The following CTNNBL1 variants were observed in gnomAD, a reference collection of about 807,000 sequenced individuals.
The protein encoded by CTNNBL1 is catenin beta like 1.
CTNNBL1 carries 31 observed loss-of-function variants against 72.7 expected under a neutral mutation model. That is an observed-to-expected ratio of 0.43 (90% CI 0.32 to 0.58). The LOEUF (loss-of-function observed/expected upper bound fraction) is 0.58, where lower values mean the gene tolerates loss of function less well. Among genes scored for constraint, CTNNBL1 ranks in the 20% least tolerant of loss-of-function variants. The probability of loss-of-function intolerance (pLI) is 0.08; values close to 1 mark genes in which losing one functional copy is unlikely to be tolerated. For synonymous variants in CTNNBL1, 240 were observed against 267.3 expected (o/e 0.90, Z 1.00); for missense variants, 534 against 725.1 (o/e 0.74, Z 3.03).
At chr20:37,719,667 G>T (rs1227921319) in intron 1 of CTNNBL1, among the ~76,000 whole-genome samples, 7 of 152,058 alleles carry the variant, frequency 4.6e-5, no homozygotes, top group Non-Finnish European at 8.8e-5. Context: ...GCTATCAAGT[G>T]GGATTTATCT....
chr20:37,732,083 C>T (rs555768378), intron 1 of CTNNBL1, among the ~76,000 whole-genome samples: 2 of 152,308 alleles, frequency 1.3e-5, no homozygotes, highest in African/African-American at 4.8e-5. Flanking sequence ...TATCTTCTGT[C>T]TTTTTCATGA....
chr20:37,723,510 CT>C lies in CTNNBL1; in HGVS notation c.31-9361del, dbSNP rs570960595. On this transcript the variant is annotated intron_variant, in intron 1 of 15. Transcript: ENST00000361383. The stretch of plus-strand genomic sequence containing the variant: ...TGGGATTTTGAGGAGCGCTTGATAT[CT>C]TTTTTTTCCTCCAGAAAAAAAGGTA... Among the ~76,000 whole-genome samples the C allele has an allele frequency of 1.3e-3, 199 of 152,016 alleles. 1 individual carries two copies. The highest frequency in any genetic ancestry group is 4.4e-3 in the African/African-American group (182 of 41,484).
chr20:37,834,478 T>G (rs1312338737), intron 11 of CTNNBL1, among the ~76,000 whole-genome samples: 1 of 152,230 alleles, frequency 6.6e-6, no homozygotes, highest in Non-Finnish European at 1.5e-5. Flanking sequence ...GGCCTTTTAC[T>G]TCATTTTACT....
intron 2 of CTNNBL1, among the ~76,000 whole-genome samples, chr20:37,736,906 T>G (rs930052187): frequency 2.0e-5 from 3 of 152,100 alleles, no homozygotes; most frequent in Non-Finnish European, 4.4e-5. Flanking sequence ...AGGCCCTTAC[T>G]CCTCATTGTA....
At chr20:37,720,591 C>G (rs984126444) in intron 1 of CTNNBL1, among the ~76,000 whole-genome samples, 1 of 152,182 alleles carries the variant, frequency 6.6e-6, no homozygotes, top group Non-Finnish European at 1.5e-5. Flanking sequence ...AAGGCCCAGA[C>G]ATTGACTACG....
At chr20:37,813,583 C>T (rs73904779) in intron 11 of CTNNBL1, among the ~76,000 whole-genome samples, 1,526 of 152,254 alleles carry the variant, frequency 0.01, 22 homozygotes, top group African/African-American at 0.035. Flanking sequence ...TTCATTTTGC[C>T]AGGTAGAAAC....
At chr20:37,762,596 C>A (rs1348393732) in intron 5 of CTNNBL1, among the ~76,000 whole-genome samples, 1 of 152,130 alleles carries the variant, frequency 6.6e-6, no homozygotes, top group Non-Finnish European at 1.5e-5. Flanking sequence ...TGCTTTAATC[C>A]CTAAGCAGGA....
chr20:37,816,087 C>T lies in CTNNBL1; in HGVS notation c.1213+13039C>T, dbSNP rs55722198. On this transcript the variant is annotated intron_variant, in intron 11 of 15. Transcript: ENST00000361383. ...CCAGATTGATTTTGCTTGTGGGTGT[C>T]CAGATGCTGATGAGCTGTAATTAGC... 4.5e-3 allele frequency among the ~76,000 whole-genome samples: 684 copies of T among 152,126 alleles called. 3 individuals are homozygous for T. Among genetic ancestry groups the T allele is most frequent in the Non-Finnish European group, 6.4e-3 (433 of 68,008 alleles).
chr20:37,843,228 C>T (rs534425412), intron 13 of CTNNBL1, among the ~76,000 whole-genome samples: 2 of 152,206 alleles, frequency 1.3e-5, no homozygotes, highest in African/African-American at 4.8e-5. Context: ...TACTTTTTTC[C>T]AAGTCTACAG....
intron 7 of CTNNBL1, among the ~76,000 whole-genome samples, chr20:37,772,498 G>A (rs551826837): frequency 4.9e-4 from 75 of 152,224 alleles, no homozygotes; most frequent in Non-Finnish European, 7.4e-4. Flanking sequence ...ACAGGCGCCC[G>A]CCACCACATC....
intron 10 of CTNNBL1, among the ~76,000 whole-genome samples, chr20:37,801,793 G>A (rs2073825522): frequency 6.6e-6 from 1 of 152,120 alleles, no homozygotes; most frequent in African/African-American, 2.4e-5. Flanking sequence ...CCTAAGACAA[G>A]GACTAGGATT....
At chr20:37,763,494 A>G (rs1828339799) in intron 5 of CTNNBL1, among the ~76,000 whole-genome samples, 1 of 152,314 alleles carries the variant, frequency 6.6e-6, no homozygotes, top group Admixed American at 6.5e-5. Context: ...AGGTATCACA[A>G]ATTAGTCAAT....
intron 13 of CTNNBL1, among the ~76,000 whole-genome samples, chr20:37,859,137 G>A (rs1200703341): frequency 6.6e-6 from 1 of 152,082 alleles, no homozygotes; most frequent in African/African-American, 2.4e-5. Context: ...CACTTTGGGA[G>A]GCCAAGGTCA....
chr20:37,865,995 T>A (rs1163734846), intron 15 of CTNNBL1, among the ~76,000 whole-genome samples: 1 of 152,208 alleles, frequency 6.6e-6, no homozygotes, highest in Non-Finnish European at 1.5e-5. Context: ...GTAACCCAAT[T>A]TGTGTGATTT....
In CTNNBL1 at chr20:37,765,246, A is replaced by T. The variant is rs1225739798; in HGVS notation, c.614A>T (p.Asp205Val). Residue 205 changes from aspartate to valine, a missense_variant, in exon 6 of 16, where the codon GAT (aspartate) becomes GTT (valine). Asp to Val is a radical substitution (Grantham distance 152). Transcript: ENST00000361383. The part of the protein sequence containing the change: ...ALLVQNLERL[D>V]ESVKEEADGV... ...CTGGTACAGAATCTGGAGCGCCTGG[A>T]TGAGTCTGTGAAAGAGGAGGCAGAT... 1.3e-6 allele frequency: 2 copies of T among 1,551,430 alleles called. No individual in the cohort carries two copies. The highest frequency in any genetic ancestry group is 2.0e-5 in the Admixed American group (1 of 50,986).
intron 1 of CTNNBL1, among the ~76,000 whole-genome samples, chr20:37,718,279 CG>C (rs1332458190): frequency 2.4e-5 from 3 of 127,286 alleles, no homozygotes; most frequent in South Asian, 2.5e-4. Flanking sequence ...GCTGGCCGGG[CG>C]GGGGGCTGAC....
chr20:37,762,170 C>G (rs1247301748), intron 5 of CTNNBL1, among the ~76,000 whole-genome samples: 1 of 152,212 alleles, frequency 6.6e-6, no homozygotes, highest in African/African-American at 2.4e-5. Context: ...ATACAACAGG[C>G]CTGAGTTTTG....
chr20:37,831,281 T>G (rs934296086), intron 11 of CTNNBL1, among the ~76,000 whole-genome samples: 16 of 152,356 alleles, frequency 1.1e-4, no homozygotes, highest in African/African-American at 3.8e-4. Flanking sequence ...TTAGGGGTCC[T>G]TCACATATGC....
intron 13 of CTNNBL1, among the ~76,000 whole-genome samples, chr20:37,845,811 A>C (rs1181888587): frequency 6.6e-6 from 1 of 152,208 alleles, no homozygotes; most frequent in Non-Finnish European, 1.5e-5. Flanking sequence ...GGCATTTTGA[A>C]GACTTTGACT....
Sources: allele counts gnomAD v4.1 joint callset (sites outside exome capture counted in the v4.1 genomes callset), GRCh38; gene constraint gnomAD v4.1.1; transcripts MANE v1.5; gene names NCBI Gene and HGNC (gene_info 2026-07-23, HGNC 2026-07-21).